The following COQ10B variants were observed in gnomAD, a reference collection of about 807,000 sequenced individuals.
The protein encoded by COQ10B is coenzyme Q10B.
In COQ10B, 12 loss-of-function variants were observed where a neutral mutation model predicts 27.6. The ratio of observed to expected loss-of-function variants is 0.43; its 90% confidence interval spans 0.28 to 0.70. The LOEUF (loss-of-function observed/expected upper bound fraction) is 0.70, where lower values mean the gene tolerates loss of function less well. Among genes scored for constraint, COQ10B ranks in the 30% least tolerant of loss-of-function variants. The pLI is 0.17. For missense variants in COQ10B, 278 were observed against 288.7 expected (o/e 0.96, Z 0.27); for synonymous variants, 115 against 103.0 (o/e 1.12, Z -0.71).
rs113104846 is a variant in COQ10B at position 197,473,465 on chromosome 2, T to C, written c.550-292T>C. On this transcript the variant is annotated intron_variant, in intron 4 of 4. Transcript: ENST00000263960. ...ATACACATATATACATATATATATA[T>C]GTATATATACACGTATATATATGTA... Among the ~76,000 whole-genome samples the C allele has an allele frequency of 6.1e-3, 833 of 135,800 alleles. 20 individuals are homozygous for C. The highest frequency in any genetic ancestry group is 0.021 in the African/African-American group (757 of 35,628). The allele number at this position is 135,800 out of a possible 152,430, so 89.1% of individuals were successfully genotyped here.
At position 197,473,788 on chromosome 2, in the gene COQ10B, C is replaced by T; in HGVS notation, c.581C>T (p.Ser194Phe). The T allele has an allele frequency of 6.3e-7, 1 of 1,585,866 alleles. No homozygotes were observed. The highest frequency in any genetic ancestry group is 1.2e-5 in the South Asian group (1 of 86,038). Residue 194 changes from serine to phenylalanine, a missense_variant, in exon 5 of 5, where the codon TCC becomes TTC. Physicochemically the swap from Ser to Phe is radical, Grantham distance 155 (BLOSUM62 -2). This residue lies in a region of COQ10B where 83 missense variants were observed against 104.5 expected (regional missense o/e 0.79). Transcript: ENST00000263960. ...ISFEFRSLLH[S>F]QLATLFFDEV... The stretch of plus-strand genomic sequence containing the variant: ...TTTGAATTTCGATCACTTCTACATT[C>T]CCAGCTTGCCACACTCTTTTTTGAT...
chr2:197,472,854 T>A (rs887039257), intron 4 of COQ10B, among the ~76,000 whole-genome samples: 8 of 150,446 alleles, frequency 5.3e-5, no homozygotes, highest in African/African-American at 1.9e-4. Flanking sequence ...ATCTGCCCTG[T>A]GGGTTAGGCA....
In COQ10B at chr2:197,470,097, A is replaced by G; in HGVS notation, c.475A>G (p.Asn159Asp). Residue 159 changes from asparagine to aspartate, a missense_variant, in exon 4 of 5, where the codon AAT (asparagine) becomes GAT (aspartate). Coordinates refer to ENST00000263960, the MANE Select transcript of COQ10B (RefSeq NM_025147.5). ...KASCTDGRLF[N>D]HLETIWRFSP... ...ATCTTGTACTGATGGGAGACTTTTC[A>G]ATCATTTGGAGACTATTTGGCGTTT... The G allele has an allele frequency of 1.2e-6, 2 of 1,613,160 alleles. No homozygotes were observed. The highest frequency in any genetic ancestry group is 1.7e-6 in the Non-Finnish European group (2 of 1,179,342).
intron 1 of COQ10B, among the ~76,000 whole-genome samples, chr2:197,459,102 T>C (rs2085730409): frequency 6.6e-6 from 1 of 152,226 alleles, no homozygotes; most frequent in Non-Finnish European, 1.5e-5. Flanking sequence ...TGTTTTTACA[T>C]ATATGCATTG....
intron 4 of COQ10B, among the ~76,000 whole-genome samples, chr2:197,472,735 CAG>C (rs2085890986): frequency 7.2e-6 from 1 of 139,582 alleles, no homozygotes; most frequent in Non-Finnish European, 1.5e-5. Context: ...ACCTAGAAGT[CAG>C]AGGTTGCATT....
intron 3 of COQ10B, 97 bp from the exon 4 acceptor site, chr2:197,469,973 C>T (rs2085862212): frequency 1.5e-6 from 1 of 683,478 alleles, no homozygotes; most frequent in African/African-American, 1.8e-5. Flanking sequence ...AAAATTATTA[C>T]TTATGAAAGA....
At chr2:197,455,664 CA>C (rs1355964850) in intron 1 of COQ10B, among the ~76,000 whole-genome samples, 1 of 151,616 alleles carries the variant, frequency 6.6e-6, no homozygotes, top group Non-Finnish European at 1.5e-5. Context: ...GACCCTGTCT[CA>C]AAAAATAAAC....
At chr2:197,463,848 C>T (rs1164894760) in intron 3 of COQ10B, among the ~76,000 whole-genome samples, 2 of 141,908 alleles carry the variant, frequency 1.4e-5, no homozygotes, top group Non-Finnish European at 3.0e-5. Context: ...GCAGGAGACT[C>T]ACTTGAACCC....
At chr2:197,458,682 CTTT>C (rs138890869) in intron 1 of COQ10B, among the ~76,000 whole-genome samples, 7 of 139,884 alleles carry the variant, frequency 5.0e-5, no homozygotes, top group African/African-American at 2.6e-5. Context: ...TTTCTTTTCT[CTTT>C]TTTTTTTTTT....
At chr2:197,467,736 T>C (rs2085840224) in intron 3 of COQ10B, among the ~76,000 whole-genome samples, 1 of 152,186 alleles carries the variant, frequency 6.6e-6, no homozygotes, top group African/African-American at 2.4e-5. Flanking sequence ...TTTTACCCAA[T>C]ACAGTAAAAA....
chr2:197,463,282 A>G (rs908104722), intron 3 of COQ10B, among the ~76,000 whole-genome samples: 6 of 128,592 alleles, frequency 4.7e-5, no homozygotes, highest in Non-Finnish European at 7.1e-5. Context: ...GACCAGCCTG[A>G]CCAACATGGT....
chr2:197,460,771 A>G (rs2085749265), intron 2 of COQ10B, among the ~76,000 whole-genome samples: 2 of 152,206 alleles, frequency 1.3e-5, no homozygotes. Context: ...TAACTATATT[A>G]GGTTTTGTGG....
chr2:197,459,156 TTTTA>T (rs1482571961), intron 1 of COQ10B, among the ~76,000 whole-genome samples: 1 of 152,016 alleles, frequency 6.6e-6, no homozygotes, highest in Non-Finnish European at 1.5e-5. Context: ...AACAGTTGGT[TTTTA>T]TTTGTTTTGT....
intron 1 of COQ10B, 75 bp from the exon 2 acceptor site, chr2:197,459,857 T>C (rs1276442218): frequency 8.6e-7 from 1 of 1,158,252 alleles, no homozygotes; most frequent in East Asian, 2.6e-5. Context: ...GGATAATTAC[T>C]TTATAGTTTC....
intron 2 of COQ10B, 128 bp downstream of exon 2, chr2:197,460,209 T>C (rs993445211): frequency 1.7e-6 from 1 of 605,582 alleles, no homozygotes; most frequent in Non-Finnish European, 2.6e-6. Context: ...TTGGCCTTTT[T>C]CTTTTTTTTT....
rs2085920695 is a variant in COQ10B, at chr2:197,473,919, A to G, written c.712A>G (p.Thr238Ala). 2 of 1,497,694 alleles carry G rather than the reference A, an allele frequency of 1.3e-6. No individual in the cohort carries two copies. The highest frequency in any genetic ancestry group is 2.4e-5 in the East Asian group (1 of 41,418). 92.8% of individuals were successfully genotyped at this position (1,497,694 alleles called of 1,614,324 possible). Residue 238 changes from threonine (T) to alanine (A), a missense_variant, in exon 5 of 5, where the codon ACA becomes GCA. Thr to Ala is a moderately conservative substitution (Grantham distance 58). This residue lies in a region of COQ10B where 83 missense variants were observed against 104.5 expected (regional missense o/e 0.79). Transcript: ENST00000263960. ...RELMLHEVHH[T>A] ...GTTAATGCTTCATGAAGTCCATCACACATAAAGGCAAAAAAGAACTGGTGC... is the reference window on the plus strand; with the variant it reads ...GTTAATGCTTCATGAAGTCCATCACGCATAAAGGCAAAAAAGAACTGGTGC...
chr2:197,465,149 T>A (rs962475071), intron 3 of COQ10B, among the ~76,000 whole-genome samples: 12 of 152,140 alleles, frequency 7.9e-5, no homozygotes, highest in African/African-American at 2.7e-4. Flanking sequence ...CCTCCCAAAG[T>A]GCTGGGATTA....
chr2:197,464,704 ATTAT>A (rs1353017845), intron 3 of COQ10B, among the ~76,000 whole-genome samples: 5 of 152,078 alleles, frequency 3.3e-5, no homozygotes, highest in African/African-American at 1.2e-4. Context: ...TTCAAGAGTT[ATTAT>A]TTATTTTAGA....
chr2:197,463,795 A>G (rs1232702404), intron 3 of COQ10B, among the ~76,000 whole-genome samples: 2 of 149,344 alleles, frequency 1.3e-5, no homozygotes, highest in Non-Finnish European at 3.0e-5. Flanking sequence ...ATTAGCCAAT[A>G]TGGTGGCAAG....
Sources: gnomAD v4.1 joint callset for allele counts (sites outside exome capture counted in the v4.1 genomes callset) on GRCh38, gnomAD v4.1.1 for gene constraint, gnomAD v4.1.1 regional missense constraint, MANE v1.5 for transcripts, NCBI Gene and HGNC (gene_info 2026-07-23, HGNC 2026-07-21) for gene names.